Variants in CACNA2D1 observed in about 807,000 individuals in gnomAD.
The protein encoded by CACNA2D1 is voltage-dependent calcium channel subunit alpha-2/delta-1.
Under a neutral mutation model 171.5 loss-of-function variants are expected in CACNA2D1, and 53 were observed. The ratio of observed to expected loss-of-function variants is 0.31; its 90% confidence interval spans 0.25 to 0.39. The LOEUF is 0.39. Ranked by LOEUF, CACNA2D1 falls within the 10% of genes least tolerant of loss-of-function variation. The pLI is 1.00. For synonymous variants in CACNA2D1, 442 were observed against 443.1 expected, an observed-to-expected ratio of 1.00 and a Z score of 0.03; for missense variants, 903 against 1,299.8, an observed-to-expected ratio of 0.69 and a Z score of 4.69.
At chr7:82,443,268 C>A in intron 1 of CACNA2D1, 97 bp downstream of exon 1, 2 of 1,256,854 alleles carry the variant, frequency 1.6e-6, no homozygotes, top group Non-Finnish European at 2.2e-6. Flanking sequence ...TCCCCACCCC[C>A]ACGGGCGGAA....
Position 81,946,696 on chromosome 7 carries a change from T to C in CACNA2D1, c.*3696A>G, listed in dbSNP as rs1185169175. ...TTTAATAAAAGTATTCCTAAAAGCA[T>C]GATCCGACACTCATACAACACAACA... On this transcript the variant is annotated 3_prime_UTR_variant, in exon 39 of 39. Transcript: ENST00000356860. The C allele has an allele frequency of 6.6e-6, 1 of 152,072 alleles. No individual in the cohort carries two copies. Among genetic ancestry groups the C allele is most frequent in the Non-Finnish European group, 1.5e-5 (1 of 67,978 alleles). The allele number at this position is 152,072 out of a possible 1,614,324, so 9.4% of individuals were successfully genotyped here.
chr7:82,076,138 C>G (rs993074002), intron 7 of CACNA2D1, among the ~76,000 whole-genome samples: 1 of 151,728 alleles, frequency 6.6e-6, no homozygotes, highest in African/African-American at 2.4e-5. Context: ...AAAAATAAGA[C>G]AGATTCAGGT....
chr7:82,005,559 CT>C, intron 17 of CACNA2D1, 62 bp from the exon 18 acceptor site: 1 of 1,068,242 alleles, frequency 9.4e-7, no homozygotes, highest in South Asian at 1.4e-5. Flanking sequence ...AATCTATATT[CT>C]TTTAAATACA....
chr7:82,267,258 T>C (rs998208490), intron 3 of CACNA2D1, among the ~76,000 whole-genome samples: 1 of 152,272 alleles, frequency 6.6e-6, no homozygotes, highest in African/African-American at 2.4e-5. Context: ...ACTTTTTATA[T>C]GTGCATTTGT....
At position 82,324,433 on chromosome 7, in the gene CACNA2D1, T is replaced by C. The variant is rs186601148; in HGVS notation, c.294+10702A>G. 2.0e-5 allele frequency among the ~76,000 whole-genome samples: 3 copies of C among 151,684 alleles called. No homozygotes were observed. The East Asian group carries it at 5.8e-4, about 29-fold the overall frequency. ...CACTGCTAACCTTTAAATAATACAT[T>C]AATCAGAACAAAATGTTACGAAAAT... On this transcript the variant is annotated intron_variant, in intron 3 of 38. Coordinates refer to ENST00000356860, the MANE Select transcript of CACNA2D1 (RefSeq NM_000722.4).
chr7:82,279,868 C>G (rs1308376229), intron 3 of CACNA2D1, among the ~76,000 whole-genome samples: 1 of 152,086 alleles, frequency 6.6e-6, no homozygotes, highest in Non-Finnish European at 1.5e-5. Context: ...TGTCTTACCA[C>G]AAGACTAAAC....
chr7:82,195,755 AC>A (rs1200219830), intron 3 of CACNA2D1, among the ~76,000 whole-genome samples: 47 of 151,922 alleles, frequency 3.1e-4, no homozygotes, highest in African/African-American at 1.1e-3. Context: ...TGAGAAGTTC[AC>A]AGAATAATCT....
At chr7:82,330,354 A>C (rs1817164065) in intron 3 of CACNA2D1, among the ~76,000 whole-genome samples, 2 of 152,182 alleles carry the variant, frequency 1.3e-5, no homozygotes, top group Admixed American at 1.3e-4. Flanking sequence ...GTGTTCATGT[A>C]TGCACAATAA....
chr7:82,420,841 A>T (rs1201583025), intron 1 of CACNA2D1, among the ~76,000 whole-genome samples: 2 of 152,116 alleles, frequency 1.3e-5, no homozygotes, highest in Non-Finnish European at 2.9e-5. Flanking sequence ...AAAAAAAAAA[A>T]AATAAGGCCA....
chr7:82,365,802 C>T (rs1430183877), intron 1 of CACNA2D1, among the ~76,000 whole-genome samples: 1 of 152,176 alleles, frequency 6.6e-6, no homozygotes, highest in Admixed American at 6.5e-5. Flanking sequence ...TTATAGGTGG[C>T]TAATTGGAGA....
chr7:82,170,627 A>G lies in CACNA2D1; in HGVS notation c.295-18T>C, dbSNP rs992072502. 1 of 1,610,248 alleles carries G rather than the reference A, an allele frequency of 6.2e-7. No individual in the cohort carries two copies. The highest frequency in any genetic ancestry group is 8.5e-7 in the Non-Finnish European group (1 of 1,177,050). On this transcript the variant is annotated intron_variant, in intron 3 of 38. Coordinates refer to ENST00000356860, the MANE Select transcript of CACNA2D1 (RefSeq NM_000722.4). ...GCCAGGCGCTGAAAAACAAACAATA[A>G]ATCTTAGAATTCAAATGAACACGTA...
intron 3 of CACNA2D1, among the ~76,000 whole-genome samples, chr7:82,329,658 T>C (rs969281887): frequency 5.9e-5 from 9 of 152,190 alleles, no homozygotes; most frequent in African/African-American, 2.2e-4. Flanking sequence ...AATGATTATA[T>C]CTTTTTTGCT....
At chr7:82,238,129 C>T (rs190709554) in intron 3 of CACNA2D1, among the ~76,000 whole-genome samples, 5 of 152,052 alleles carry the variant, frequency 3.3e-5, no homozygotes, top group Admixed American at 6.6e-5. Flanking sequence ...CACAGAAAAT[C>T]ACACAATAAA....
chr7:82,067,553 A>T (rs187884900), intron 7 of CACNA2D1, among the ~76,000 whole-genome samples: 9 of 152,300 alleles, frequency 5.9e-5, no homozygotes, highest in African/African-American at 2.2e-4. Context: ...ATATTAAAAA[A>T]TGATTTATTT....
chr7:82,216,417 T>G (rs1002669121), intron 3 of CACNA2D1, among the ~76,000 whole-genome samples: 10 of 152,192 alleles, frequency 6.6e-5, no homozygotes, highest in Non-Finnish European at 1.5e-4. Flanking sequence ...CTCCTCTTTC[T>G]GTTTTCAAAT....
intron 3 of CACNA2D1, among the ~76,000 whole-genome samples, chr7:82,228,520 A>G (rs1802585546): frequency 7.4e-6 from 1 of 135,884 alleles, no homozygotes; most frequent in Non-Finnish European, 1.7e-5. Flanking sequence ...ATTAGTTACA[A>G]AAACATTTTA....
chr7:82,394,017 A>C (rs527778883), intron 1 of CACNA2D1, among the ~76,000 whole-genome samples: 6 of 152,290 alleles, frequency 3.9e-5, no homozygotes, highest in African/African-American at 1.4e-4. Context: ...TTGAGAAATA[A>C]ACAAAACTTT....
intron 3 of CACNA2D1, among the ~76,000 whole-genome samples, chr7:82,179,390 T>TTGTGGG (rs1796886227): frequency 6.6e-6 from 1 of 152,146 alleles, no homozygotes; most frequent in Non-Finnish European, 1.5e-5. Context: ...GCTGATAATC[T>TTGTGGG]AGTCTAAAAT....
intron 3 of CACNA2D1, among the ~76,000 whole-genome samples, chr7:82,224,206 A>G (rs758869031): frequency 1.3e-5 from 2 of 152,234 alleles, no homozygotes; most frequent in African/African-American, 2.4e-5. Context: ...ATTATTGATA[A>G]TAATTCCTTA....
Sources: allele counts gnomAD v4.1 joint callset (sites outside exome capture counted in the v4.1 genomes callset), GRCh38; gene constraint gnomAD v4.1.1; transcripts MANE v1.5; gene names NCBI Gene and HGNC (gene_info 2026-07-23, HGNC 2026-07-21).